ARSD: variants seen among roughly 807,000 people sequenced by gnomAD.
ARSD encodes the protein testis tissue sperm-binding protein Li 39a.
A neutral mutation model predicts 32.6 loss-of-function variants in ARSD; 21 were observed. The ratio of observed to expected loss-of-function variants is 0.64; its 90% confidence interval spans 0.46 to 0.93. The LOEUF is 0.93. Ranked by LOEUF, ARSD falls within the 40% of genes least tolerant of loss-of-function variation. ARSD has a pLI of 0.00. For missense variants in ARSD, 454 were observed against 520.9 expected (o/e 0.87, Z 1.25); for synonymous variants, 224 against 237.4 (o/e 0.94, Z 0.52).
intron 6 of ARSD, chrX:2,914,534 C>T: frequency 2.1e-6 from 2 of 957,632 alleles, no homozygotes; most frequent in South Asian, 4.8e-5. Flanking sequence ...GCCACCTTGC[C>T]CCACCTGAAA....
chrX:2,907,570 AG>A lies in ARSD; in HGVS notation c.1482del (p.Cys495AlafsTer14). 8.7e-7 allele frequency: 1 copy of A among 1,145,951 alleles called. No homozygotes were observed. The highest frequency in any genetic ancestry group is 1.2e-6 in the Non-Finnish European group (1 of 861,611). The allele number at this position is 1,145,951 out of a possible 1,213,427, so 94.4% of individuals were successfully genotyped here. A position where few individuals can be genotyped will look rare whatever the true frequency, so the allele number is the denominator to read the frequency against. On this transcript the variant is annotated frameshift_variant, in exon 10 of 10. Transcript: ENST00000381154. LOFTEE classifies it low-confidence loss of function (END_TRUNC). Reference protein sequence around the residue: ...TPQFHPEGAGACYGRGVCPCS... With the variant: ...TPQFHPEGAGXCYGRGVCPCS... The stretch of plus-strand genomic sequence containing the variant: ...CATGGGCAGACGCCTCGGCCGTAGC[AG>A]GCCCCCGCTCCCTCGGGGTGGAACT...
chrX:2,908,988 C>T, intron 8 of ARSD, 146 bp from the exon 9 acceptor site: 3 of 911,618 alleles, frequency 3.3e-6, no homozygotes, highest in Non-Finnish European at 4.5e-6. Flanking sequence ...GTTCAGATTA[C>T]AGGTTGCTGA....
rs756686431 is a variant in ARSD, at chrX:2,917,994, CAG to C, written c.671_672del (p.Ser224CysfsTer39). On this transcript the variant is annotated frameshift_variant, in exon 5 of 10. Transcript: ENST00000381154. LOFTEE classifies it high-confidence loss of function. ...LAAGQTCGFF[S>X]VSARAVTGMA... Reference sequence around the variant, plus strand: ...ATGCCGGTGACTGCTCTCGCGGAGACAGAGAAGAAACCGCAGGTCTGGCCGGC... The same window carrying C: ...ATGCCGGTGACTGCTCTCGCGGAGACAGAAGAAACCGCAGGTCTGGCCGGC... 1 of 1,209,785 alleles carries C rather than the reference CAG, an allele frequency of 8.3e-7. No homozygotes were observed. The highest frequency in any genetic ancestry group is 3.0e-5 in the East Asian group (1 of 33,741).
intron 4 of ARSD, 42 bp downstream of exon 4, chrX:2,920,559 T>C: frequency 8.3e-7 from 1 of 1,208,896 alleles, no homozygotes; most frequent in Non-Finnish European, 1.1e-6. Context: ...ATCACGAATA[T>C]TCCCAACCAC....
At chrX:2,909,280 C>T (rs1165583028) in intron 8 of ARSD, among the ~76,000 whole-genome samples, 1 of 110,124 alleles carries the variant, frequency 9.1e-6, no homozygotes, top group Non-Finnish European at 1.9e-5. Flanking sequence ...ACCTCTGCCT[C>T]CTGGTCAAGT....
chrX:2,912,391 C>T (rs1439171641), intron 6 of ARSD, among the ~76,000 whole-genome samples: 3 of 111,223 alleles, frequency 2.7e-5, no homozygotes, highest in African/African-American at 6.5e-5. Context: ...TGCCTTTCTG[C>T]ACTGAACCAA....
At chrX:2,920,824 G>A (rs1009057701) in intron 3 of ARSD, 101 bp from the exon 4 acceptor site, 2 of 1,008,028 alleles carry the variant, frequency 2.0e-6, no homozygotes, top group Non-Finnish European at 2.7e-6. Context: ...TTGTGCACCC[G>A]AGCCAGGCTG....
At chrX:2,920,553 C>T (rs756518429) in intron 4 of ARSD, 48 bp downstream of exon 4, 5 of 1,208,520 alleles carry the variant, frequency 4.1e-6, no homozygotes, top group Non-Finnish European at 5.6e-6. Context: ...TTTTTTATCA[C>T]GAATATTCCC....
intron 9 of ARSD, chrX:2,907,985 C>A: frequency 2.5e-6 from 2 of 812,518 alleles, no homozygotes; most frequent in South Asian, 1.3e-4. Flanking sequence ...TACTACCTTT[C>A]TACACAGAAA....
At chrX:2,918,378 T>G (rs112997944) in intron 4 of ARSD, 151 bp from the exon 5 acceptor site, 1 of 517,966 alleles carries the variant, frequency 1.9e-6, no homozygotes, top group Non-Finnish European at 3.1e-6. Context: ...ATTGGATACC[T>G]GTGTTTAAAT....
intron 4 of ARSD, 68 bp from the exon 5 acceptor site, chrX:2,918,295 G>A (rs112348737): frequency 4.6e-4 from 470 of 1,024,440 alleles, no homozygotes; most frequent in Non-Finnish European, 5.9e-4. Flanking sequence ...AAAGAACCTC[G>A]GAATCATTCC....
Position 2,908,792 on chromosome X carries a change from C to T in ARSD, c.1349G>A (p.Arg450His), listed in dbSNP as rs759017187. The T allele has an allele frequency of 2.9e-5, 35 of 1,208,017 alleles. No individual in the cohort carries two copies. The highest frequency in any genetic ancestry group is 3.7e-5 in the Non-Finnish European group (33 of 894,527). The part of the protein sequence containing the change: ...LVPLLQGAEA[R>H]SAHEFLFHYC... ...ATGAAACAGGAACTCATGTGCCGAG[C>T]GTGCCTCAGCTCCCTGCAGCAAGGG... Residue 450 changes from arginine (R) to histidine (H), a missense_variant, in exon 9 of 10, where the codon CGC (arginine) becomes CAC (histidine). By Grantham distance (29) the Arg-to-His change is conservative (BLOSUM62 0). Coordinates refer to ENST00000381154, the MANE Select transcript of ARSD (RefSeq NM_001669.4).
chrX:2,909,171 A>G (rs1402797319), intron 8 of ARSD, among the ~76,000 whole-genome samples: 3 of 109,070 alleles, frequency 2.8e-5, no homozygotes, highest in Non-Finnish European at 3.8e-5. Flanking sequence ...GACAGCCCAC[A>G]TTCCTAGGTT....
chrX:2,909,777 T>TA lies in ARSD; in HGVS notation c.1298+39dup, dbSNP rs200286191. ...ATAAAAAAAAAAAACTAAAAACAAT[T>TA]AAAAAAAATCAGGGAACAGGCAGCC... On this transcript the variant is annotated intron_variant, in intron 8 of 9. Coordinates refer to ENST00000381154, the MANE Select transcript of ARSD (RefSeq NM_001669.4). 530 of 1,093,824 alleles carry TA rather than the reference T, an allele frequency of 4.8e-4. 1 individual carries two copies. In the African/African-American group the frequency reaches 8.9e-3, roughly 18 times the overall value. The allele number at this position is 1,093,824 out of a possible 1,213,427, so 90.1% of individuals were successfully genotyped here.
chrX:2,912,319 A>G (rs749379331), intron 6 of ARSD, among the ~76,000 whole-genome samples: 40 of 111,290 alleles, frequency 3.6e-4, no homozygotes, highest in African/African-American at 1.1e-3. Context: ...TAACTCAACC[A>G]CCTGCCAATC....
At chrX:2,919,324 G>A (rs1361436147) in intron 4 of ARSD, among the ~76,000 whole-genome samples, 1 of 107,845 alleles carries the variant, frequency 9.3e-6, no homozygotes, top group Non-Finnish European at 1.9e-5. Context: ...TGGGGACCCT[G>A]CACAGAGATC....
chrX:2,918,446 G>C (rs1228835773), intron 4 of ARSD, among the ~76,000 whole-genome samples: 3 of 112,893 alleles, frequency 2.7e-5, no homozygotes, highest in Non-Finnish European at 5.6e-5. Flanking sequence ...CCCTTGGCAA[G>C]TGATTAAAGG....
intron 6 of ARSD, chrX:2,914,045 G>T: frequency 1.6e-6 from 1 of 619,289 alleles, no homozygotes. Flanking sequence ...CATGCTTCCT[G>T]TGCAGCCTGC....
chrX:2,919,872 G>T (rs1222064216), intron 4 of ARSD, among the ~76,000 whole-genome samples: 9 of 111,149 alleles, frequency 8.1e-5, no homozygotes, highest in Admixed American at 7.7e-4. Flanking sequence ...ACTGGGGGAG[G>T]ATTCTTGGGA....
Sources: allele counts gnomAD v4.1 joint callset (sites outside exome capture counted in the v4.1 genomes callset), GRCh38; gene constraint gnomAD v4.1.1; transcripts MANE v1.5; gene names NCBI Gene and HGNC (gene_info 2026-07-23, HGNC 2026-07-21).